Variants in CLVS1 observed in about 807,000 individuals in gnomAD.
CLVS1 encodes clavesin-1.
A neutral mutation model predicts 33.1 loss-of-function variants in CLVS1; 10 were observed. That is an observed-to-expected ratio of 0.30 (90% CI 0.19 to 0.51). The LOEUF (loss-of-function observed/expected upper bound fraction) is 0.51, where lower values mean the gene tolerates loss of function less well. Ranked by LOEUF, CLVS1 falls within the 20% of genes least tolerant of loss-of-function variation. The pLI, the probability that CLVS1 is intolerant of heterozygous loss-of-function variation, is 0.97. For missense variants in CLVS1, 343 were observed against 433.4 expected, an observed-to-expected ratio of 0.79 and a Z score of 1.85; for synonymous variants, 163 against 166.1, an observed-to-expected ratio of 0.98 and a Z score of 0.14.
chr8:61,323,722 A>T (rs1037358041), intron 2 of CLVS1, among the ~76,000 whole-genome samples: 4 of 151,908 alleles, frequency 2.6e-5, no homozygotes, highest in African/African-American at 7.3e-5. Context: ...AACTTGTGTC[A>T]TGGGGGTTTG....
chr8:61,123,661 A>G (rs1229669587), intron 1 of CLVS1, among the ~76,000 whole-genome samples: 1 of 152,182 alleles, frequency 6.6e-6, no homozygotes, highest in African/African-American at 2.4e-5. Flanking sequence ...AATGTATGCT[A>G]TGCTGATTTG....
intron 1 of CLVS1, among the ~76,000 whole-genome samples, chr8:61,106,559 C>T (rs1805542889): frequency 6.6e-6 from 1 of 152,170 alleles, no homozygotes; most frequent in African/African-American, 2.4e-5. Context: ...TCCGGGCCTG[C>T]CCAGTACGCC....
chr8:61,159,943 G>A (rs1806720495), intron 2 of CLVS1, among the ~76,000 whole-genome samples: 1 of 152,198 alleles, frequency 6.6e-6, no homozygotes, highest in Non-Finnish European at 1.5e-5. Context: ...GCAATTTGTG[G>A]GAGGCCTTCA....
At chr8:61,357,194 C>T (rs533571246) in intron 2 of CLVS1, among the ~76,000 whole-genome samples, 1 of 152,234 alleles carries the variant, frequency 6.6e-6, no homozygotes, top group Non-Finnish European at 1.5e-5. Context: ...TGGGAGTTCA[C>T]TCATGAAGTT....
intron 2 of CLVS1, among the ~76,000 whole-genome samples, chr8:61,233,327 A>G (rs945514593): frequency 6.6e-6 from 1 of 152,150 alleles, no homozygotes; most frequent in Admixed American, 6.5e-5. Flanking sequence ...TTGGAGGATA[A>G]TTGTTATTTC....
Position 61,129,757 on chromosome 8 carries a change from C to G in CLVS1, c.-242-2013C>G, listed in dbSNP as rs926646924. Among the ~76,000 whole-genome samples, 3 of 152,210 alleles carry G rather than the reference C, an allele frequency of 2.0e-5. No individual in the cohort carries two copies. The South Asian group carries it at 6.2e-4, about 32-fold the overall frequency. Reference sequence around the variant, plus strand: ...AGGCTTTGCCCTGTGATCTGGCTACCTTTTAATGGCCCCATCTCTTAGTAT... The same window carrying G: ...AGGCTTTGCCCTGTGATCTGGCTACGTTTTAATGGCCCCATCTCTTAGTAT... On this transcript the variant is annotated intron_variant, in intron 1 of 2. Transcript: ENST00000522621.
intron 2 of CLVS1, among the ~76,000 whole-genome samples, chr8:61,182,891 C>CCAA (rs4033391): frequency 0.42 from 63,790 of 151,794 alleles, 15,820 homozygotes; most frequent in Middle Eastern, 0.65. Flanking sequence ...TGACATGGAA[C>CCAA]CAACCCTAAT....
intron 1 of CLVS1, among the ~76,000 whole-genome samples, chr8:61,112,598 A>G (rs1310461905): frequency 3.3e-5 from 5 of 152,222 alleles, no homozygotes. Flanking sequence ...GTATTTTTAT[A>G]AGAGATTAGA....
chr8:61,272,613 C>T (rs1475996432), intron 2 of CLVS1, among the ~76,000 whole-genome samples: 1 of 152,186 alleles, frequency 6.6e-6, no homozygotes, highest in Non-Finnish European at 1.5e-5. Context: ...CCATTCTCCC[C>T]ATCACTTTCA....
At chr8:61,121,194 C>G (rs997657808) in intron 1 of CLVS1, among the ~76,000 whole-genome samples, 2 of 151,954 alleles carry the variant, frequency 1.3e-5, no homozygotes, top group East Asian at 1.9e-4. Flanking sequence ...TGACCCCTTG[C>G]GCTTCCAAAG....
intron 2 of CLVS1, among the ~76,000 whole-genome samples, chr8:61,178,734 A>G (rs1329949608): frequency 1.3e-5 from 2 of 152,206 alleles, no homozygotes. Flanking sequence ...AGAATTTCAT[A>G]TCCGGACAAA....
chr8:61,295,700 G>T (rs968488479), intron 1 of CLVS1, among the ~76,000 whole-genome samples: 1 of 152,072 alleles, frequency 6.6e-6, no homozygotes, highest in African/African-American at 2.4e-5. Flanking sequence ...AAGAGCATGG[G>T]TTCAGAGAAA....
chr8:61,465,497 A>G (rs1424197002), intron 5 of CLVS1: 1 of 152,096 alleles, frequency 6.6e-6, no homozygotes, highest in African/African-American at 2.4e-5. Flanking sequence ...AAACAAAATA[A>G]TGATTGGTTT....
chr8:60,973,806 GGGAAGCTGCTGATC>G, the CLVS1 span, among the ~76,000 whole-genome samples: 1 of 152,222 alleles, frequency 6.6e-6, no homozygotes, highest in African/African-American at 2.4e-5. Flanking sequence ...AGATCTTACT[GGGAAGCTGCTGATC>G]GCCAGTTTCA....
the CLVS1 span, among the ~76,000 whole-genome samples, chr8:60,977,319 A>ATTCAC: frequency 6.6e-6 from 1 of 152,204 alleles, no homozygotes; most frequent in Non-Finnish European, 1.5e-5. Flanking sequence ...CATTCACAGG[A>ATTCAC]AAAAAATAAT....
At chr8:61,474,094 G>A (rs1048811090) in intron 5 of CLVS1, among the ~76,000 whole-genome samples, 1 of 152,150 alleles carries the variant, frequency 6.6e-6, no homozygotes. Flanking sequence ...AGAAGAATGA[G>A]TGCCTAGGTT....
At chr8:61,292,168 G>T in intron 1 of CLVS1, 1 of 308,974 alleles carries the variant, frequency 3.2e-6, no homozygotes, top group Non-Finnish European at 6.6e-6. Context: ...TAAATAATAA[G>T]ACCCATTCTA....
chr8:61,155,251 T>C (rs1806627111), intron 2 of CLVS1, among the ~76,000 whole-genome samples: 1 of 152,222 alleles, frequency 6.6e-6, no homozygotes, highest in South Asian at 2.1e-4. Context: ...TACATTGTCT[T>C]GATTACTTGC....
At chr8:61,482,764 C>A (rs7460622) in intron 5 of CLVS1, among the ~76,000 whole-genome samples, 126,629 of 152,162 alleles carry the variant, frequency 0.83, 53,007 homozygotes, top group Non-Finnish European at 0.86. Context: ...GTGCAATCAA[C>A]CTAGAACTCA....
Sources: allele counts gnomAD v4.1 joint callset (sites outside exome capture counted in the v4.1 genomes callset), GRCh38; gene constraint gnomAD v4.1.1; transcripts MANE v1.5; gene names NCBI Gene and HGNC (gene_info 2026-07-23, HGNC 2026-07-21).